The following USP24 variants were observed in gnomAD, a reference collection of about 807,000 sequenced individuals.
USP24 encodes ubiquitin carboxyl-terminal hydrolase 24.
In USP24, 97 loss-of-function variants were observed where a neutral mutation model predicts 361.6. That is an observed-to-expected ratio of 0.27 (90% CI 0.23 to 0.32). USP24 has a LOEUF of 0.32. Ranked by LOEUF, USP24 falls within the 10% of genes least tolerant of loss-of-function variation. USP24 has a pLI of 1.00. For missense variants in USP24, 2,353 were observed against 3,165.6 expected (o/e 0.74, Z 6.16); for synonymous variants, 1,098 against 1,124.6 (o/e 0.98, Z 0.47).
At chr1:55,196,424 A>T (rs1325252673) in intron 1 of USP24, among the ~76,000 whole-genome samples, 4 of 152,170 alleles carry the variant, frequency 2.6e-5, no homozygotes, top group African/African-American at 9.7e-5. Context: ...ATTAAATACT[A>T]AGAATTGACT....
chr1:55,130,174 A>G (rs1646551090), intron 31 of USP24, among the ~76,000 whole-genome samples: 2 of 152,216 alleles, frequency 1.3e-5, no homozygotes, highest in East Asian at 1.9e-4. Flanking sequence ...GTGGAGTTCA[A>G]CTGAATACTT....
chr1:55,114,851 A>G (rs1434620166), intron 38 of USP24, among the ~76,000 whole-genome samples: 1 of 152,226 alleles, frequency 6.6e-6, no homozygotes, highest in African/African-American at 2.4e-5. Flanking sequence ...CTTCATGACT[A>G]AAACACCAAA....
At chr1:55,166,464 T>A (rs905621669) in intron 6 of USP24, 104 bp downstream of exon 6, 17 of 1,071,472 alleles carry the variant, frequency 1.6e-5, no homozygotes, top group Middle Eastern at 5.8e-4. Context: ...GCATTTTTTT[T>A]ATTATTCTCT....
Position 55,079,552 on chromosome 1 carries a change from G to A in USP24, c.7186C>T (p.Pro2396Ser), listed in dbSNP as rs748728310. The A allele has an allele frequency of 1.3e-6, 2 of 1,574,184 alleles. No individual in the cohort carries two copies. The highest frequency in any genetic ancestry group is 1.4e-5 in the African/African-American group (1 of 72,470). The change falls in exon 60 of 68, where the codon CCT (proline) becomes TCT (serine). Residue 2396 changes from proline to serine, a missense_variant. By Grantham distance (74) the Pro-to-Ser change is moderately conservative. Coordinates refer to ENST00000294383, the MANE Select transcript of USP24 (RefSeq NM_015306.3). ...CAAGTACATACCTCTAACAGGTAAGGTTTCCCTTCAGACATGAACAACAAG... is the reference window on the plus strand; with the variant it reads ...CAAGTACATACCTCTAACAGGTAAGATTTCCCTTCAGACATGAACAACAAG... ...EALLFMSEGK[P>S]YLLEVMFALR...
rs561913806 is a variant in USP24, at chr1:55,212,241, T to C, written c.324+2549A>G. 4.4e-4 allele frequency among the ~76,000 whole-genome samples: 67 copies of C among 152,376 alleles called. No individual in the cohort carries two copies. In the South Asian group the frequency reaches 0.014, roughly 31 times the overall value. On this transcript the variant is annotated intron_variant, in intron 1 of 67. Coordinates refer to ENST00000294383, the MANE Select transcript of USP24 (RefSeq NM_015306.3). The stretch of plus-strand genomic sequence containing the variant: ...TTATATTCTACCCATTATTCGATTC[T>C]TAATGGTTGGTGCTCACCACATCAT...
At position 55,137,615 on chromosome 1, in the gene USP24, G is replaced by A; in HGVS notation, c.3101C>T (p.Thr1034Ile). The A allele has an allele frequency of 6.2e-7, 1 of 1,613,406 alleles. No individual in the cohort carries two copies. ...FSDEQILTVK[T>I]SGSGTPSGSS... ...CCCAGATGGGGTCCCACTGCCAGAA[G>A]TCTTCACTGTAAGGATTTGTTCATC... Residue 1034 changes from threonine to isoleucine, a missense_variant, in exon 28 of 68, where the codon ACT (threonine) becomes ATT (isoleucine). Transcript: ENST00000294383.
intron 65 of USP24, among the ~76,000 whole-genome samples, 157 bp from the exon 66 acceptor site, chr1:55,072,560 A>G (rs1229825575): frequency 6.6e-6 from 1 of 152,234 alleles, no homozygotes; most frequent in African/African-American, 2.4e-5. Flanking sequence ...ACCTCAGTCA[A>G]GTATTGCTTC....
intron 40 of USP24, 31 bp downstream of exon 40, chr1:55,107,208 C>A (rs1160249598): frequency 1.3e-6 from 2 of 1,589,082 alleles, no homozygotes; most frequent in South Asian, 1.2e-5. Flanking sequence ...ACTGAAGAAT[C>A]TGCCATGTGA....
At chr1:55,148,190 TTTTAAAATGCCATTCTAACTTTTAAAAAC>T in intron 17 of USP24, among the ~76,000 whole-genome samples, 1 of 152,106 alleles carries the variant, frequency 6.6e-6, no homozygotes, top group African/African-American at 2.4e-5. Context: ...TCAAACCAAT[TTTTAAAATGCCATTCTAACTTTTAAAAAC>T]TGGCTTAACT....
chr1:55,193,818 C>CT (rs1172362806), intron 1 of USP24, among the ~76,000 whole-genome samples: 6 of 152,114 alleles, frequency 3.9e-5, no homozygotes, highest in African/African-American at 1.4e-4. Context: ...AGCAAACAAA[C>CT]TGAGGCTCAC....
At chr1:55,116,998 A>G (rs10158541) in intron 38 of USP24, among the ~76,000 whole-genome samples, 8,382 of 152,282 alleles carry the variant, frequency 0.055, 646 homozygotes, top group African/African-American at 0.17. Flanking sequence ...CCCATGAACA[A>G]GTGGGATTGA....
chr1:55,206,614 A>T (rs995128509), intron 1 of USP24, among the ~76,000 whole-genome samples: 1 of 149,390 alleles, frequency 6.7e-6, no homozygotes, highest in Non-Finnish European at 1.5e-5. Flanking sequence ...CTTATATTTT[A>T]GAGAAATCAT....
chr1:55,071,934 AT>A lies in USP24; in HGVS notation c.7690-11del. The A allele has an allele frequency of 6.3e-7, 1 of 1,599,464 alleles. No homozygotes were observed. The highest frequency in any genetic ancestry group is 8.5e-7 in the Non-Finnish European group (1 of 1,172,324). ...CATACGCTAACGTGTCCTGCAGAAGATTCAAACACAAGACGACAAAGTTAGG... is the reference window on the plus strand; with the variant it reads ...CATACGCTAACGTGTCCTGCAGAAGATCAAACACAAGACGACAAAGTTAGG... On this transcript the variant is annotated splice_polypyrimidine_tract_variant and intron_variant, in intron 66 of 67. Transcript: ENST00000294383.
chr1:55,162,730 T>C (rs141245996), intron 7 of USP24, among the ~76,000 whole-genome samples: 1,817 of 152,208 alleles, frequency 0.012, 40 homozygotes, highest in African/African-American at 0.042. Context: ...AAACATCAAT[T>C]CTCTCTGCAC....
At chr1:55,087,226 T>C (rs1645270809) in intron 55 of USP24, among the ~76,000 whole-genome samples, 1 of 152,162 alleles carries the variant, frequency 6.6e-6, no homozygotes, top group African/African-American at 2.4e-5. Flanking sequence ...CACGAAATCA[T>C]AGCAATTGAT....
chr1:55,079,425 T>C lies in USP24; in HGVS notation c.7200+113A>G, dbSNP rs1339379221. 6.5e-6 allele frequency: 9 copies of C among 1,394,750 alleles called. No homozygotes were observed. The South Asian group carries it at 1.1e-4, about 18-fold the overall frequency. The allele number at this position is 1,394,750 out of a possible 1,614,324, so 86.4% of individuals were successfully genotyped here. Reference sequence around the variant, plus strand: ...CTTTTTGACATATAAGAAAACTTAATTTGAAAGAACCATTTCTTAACAATA... The same window carrying C: ...CTTTTTGACATATAAGAAAACTTAACTTGAAAGAACCATTTCTTAACAATA... On this transcript the variant is annotated intron_variant, in intron 60 of 67. Coordinates refer to ENST00000294383, the MANE Select transcript of USP24 (RefSeq NM_015306.3).
chr1:55,133,236 T>C (rs1476284594), intron 30 of USP24, among the ~76,000 whole-genome samples: 1 of 152,210 alleles, frequency 6.6e-6, no homozygotes, highest in Non-Finnish European at 1.5e-5. Flanking sequence ...AATTAAACAA[T>C]ATTATAGATA....
At position 55,110,200 on chromosome 1, in the gene USP24, A is replaced by G; in HGVS notation, c.4555T>C (p.Leu1519=). The change falls in exon 39 of 68, where the codon TTA becomes CTA. Residue 1519 remains leucine, a synonymous_variant. Coordinates refer to ENST00000294383, the MANE Select transcript of USP24 (RefSeq NM_015306.3). The stretch of plus-strand genomic sequence containing the variant: ...ATTTACTTACTTGTCAGATCATCTA[A>G]TAACTGGCATCTCAAATCAAAATAC... ...MEYFDLRCQL[L]DDLTTSEMEQ... 3.2e-6 allele frequency: 5 copies of G among 1,553,330 alleles called. No individual in the cohort carries two copies. The highest frequency in any genetic ancestry group is 4.4e-6 in the Non-Finnish European group (5 of 1,147,702).
intron 3 of USP24, among the ~76,000 whole-genome samples, chr1:55,175,647 G>C (rs1649908993): frequency 6.6e-6 from 1 of 152,162 alleles, no homozygotes; most frequent in Non-Finnish European, 1.5e-5. Context: ...ATCATTCATT[G>C]CAACTTTTCT....
Sources: allele counts gnomAD v4.1 joint callset (sites outside exome capture counted in the v4.1 genomes callset), GRCh38; gene constraint gnomAD v4.1.1; transcripts MANE v1.5; gene names NCBI Gene and HGNC (gene_info 2026-07-23, HGNC 2026-07-21).